Variants in PTPRD observed in about 807,000 individuals in gnomAD.
The protein encoded by PTPRD is receptor-type tyrosine-protein phosphatase delta.
Under a neutral mutation model 214.5 loss-of-function variants are expected in PTPRD, and 34 were observed. The ratio of observed to expected loss-of-function variants is 0.16; its 90% CI spans 0.12 to 0.21. The LOEUF (loss-of-function observed/expected upper bound fraction) is 0.21, where lower values mean the gene tolerates loss of function less well. Ranked by LOEUF, PTPRD falls within the 10% of genes least tolerant of loss-of-function variation. PTPRD has a pLI of 1.00. For missense variants in PTPRD, 2,545 were observed against 2,398.7 expected (o/e 1.06, Z -1.27); for synonymous variants, 1,128 against 845.7 (o/e 1.33, Z -5.79).
At chr9:9,977,148 T>C (rs1335171165) in intron 4 of PTPRD, among the ~76,000 whole-genome samples, 2 of 152,172 alleles carry the variant, frequency 1.3e-5, no homozygotes, top group African/African-American at 2.4e-5. Flanking sequence ...AGCTTGCAGA[T>C]TGCACTTTGG....
intron 14 of PTPRD, among the ~76,000 whole-genome samples, chr9:8,629,081 T>C (rs1410439242): frequency 2.0e-5 from 3 of 151,770 alleles, no homozygotes; most frequent in East Asian, 3.9e-4. Flanking sequence ...CTGTTTGAGA[T>C]AAGAGCAAAA....
intron 12 of PTPRD, among the ~76,000 whole-genome samples, chr9:8,637,144 A>G (rs1270240073): frequency 6.6e-6 from 1 of 152,210 alleles, no homozygotes; most frequent in East Asian, 1.9e-4. Flanking sequence ...TATTACCAGT[A>G]TATAAAAAAA....
intron 12 of PTPRD, among the ~76,000 whole-genome samples, chr9:8,682,317 C>G (rs1191207937): frequency 1.3e-5 from 2 of 152,152 alleles, no homozygotes; most frequent in African/African-American, 4.8e-5. Context: ...GCATGACAAA[C>G]AAAAACTAAC....
At chr9:10,244,364 G>C (rs1000581175) in intron 3 of PTPRD, among the ~76,000 whole-genome samples, 1 of 152,088 alleles carries the variant, frequency 6.6e-6, no homozygotes, top group Non-Finnish European at 1.5e-5. Flanking sequence ...ACAATGCACT[G>C]TACATGGTAG....
intron 2 of PTPRD, among the ~76,000 whole-genome samples, chr9:10,417,555 T>C (rs2098503809): frequency 6.6e-6 from 1 of 151,858 alleles, no homozygotes; most frequent in Non-Finnish European, 1.5e-5. Context: ...CTAAATATTA[T>C]AGTTAATAAG....
intron 39 of PTPRD, among the ~76,000 whole-genome samples, chr9:8,367,557 C>A (rs771891660): frequency 1.3e-5 from 2 of 152,112 alleles, no homozygotes; most frequent in Non-Finnish European, 1.5e-5. Flanking sequence ...TTCTAATAAG[C>A]AAAGCATTTA....
intron 8 of PTPRD, among the ~76,000 whole-genome samples, chr9:9,533,698 C>G (rs924114465): frequency 6.6e-6 from 1 of 151,818 alleles, no homozygotes; most frequent in African/African-American, 2.4e-5. Flanking sequence ...ATAAATCCAC[C>G]TTAATATTAA....
intron 7 of PTPRD, among the ~76,000 whole-genome samples, chr9:9,613,330 C>T (rs904059112): frequency 6.6e-6 from 1 of 151,878 alleles, no homozygotes; most frequent in East Asian, 1.9e-4. Context: ...ATTAAATTAT[C>T]ACATTAGTGT....
At chr9:9,278,390 A>C (rs918952092) in intron 9 of PTPRD, among the ~76,000 whole-genome samples, 1 of 151,390 alleles carries the variant, frequency 6.6e-6, no homozygotes, top group Non-Finnish European at 1.5e-5. Context: ...AGCCTTATAA[A>C]ATTTTAAGAT....
At chr9:8,703,961 T>A (rs1321937074) in intron 12 of PTPRD, among the ~76,000 whole-genome samples, 1 of 152,188 alleles carries the variant, frequency 6.6e-6, no homozygotes, top group African/African-American at 2.4e-5. Flanking sequence ...CAACAGGTGC[T>A]CTTAACACAA....
At position 8,815,306 on chromosome 9, in the gene PTPRD, G is replaced by A. The variant is rs576145198; in HGVS notation, c.-103-81360C>T. Among the ~76,000 whole-genome samples the A allele has an allele frequency of 3.1e-3, 467 of 152,128 alleles. 2 individuals are homozygous for A. Among genetic ancestry groups the A allele is most frequent in the Non-Finnish European group, 5.2e-3 (354 of 68,000 alleles). ...GGCTTACCTTTAATCACAGGGAATG[G>A]TAGGCTACTGAAACATACATTTTCC... On this transcript the variant is annotated intron_variant, in intron 11 of 45. Transcript: ENST00000381196.
chr9:9,428,365 T>C (rs1223674521), intron 8 of PTPRD, among the ~76,000 whole-genome samples: 1 of 152,150 alleles, frequency 6.6e-6, no homozygotes, highest in Non-Finnish European at 1.5e-5. Context: ...GAGCTAACTA[T>C]CCTAAATATA....
chr9:9,919,940 TG>T (rs2082081188), intron 5 of PTPRD, among the ~76,000 whole-genome samples: 1 of 152,156 alleles, frequency 6.6e-6, no homozygotes, highest in Middle Eastern at 3.2e-3. Context: ...CTGTTACATT[TG>T]TAACACCTAT....
intron 12 of PTPRD, among the ~76,000 whole-genome samples, chr9:8,645,469 A>G (rs1042048464): frequency 1.3e-5 from 2 of 152,350 alleles, no homozygotes; most frequent in South Asian, 2.1e-4. Context: ...CTTCAATGAC[A>G]TATTTCTATG....
At chr9:10,506,132 A>C (rs2045883611) in intron 2 of PTPRD, among the ~76,000 whole-genome samples, 1 of 152,192 alleles carries the variant, frequency 6.6e-6, no homozygotes, top group Non-Finnish European at 1.5e-5. Context: ...GAAGAATGTA[A>C]AGATTCTCTA....
chr9:8,596,474 A>G (rs994058894), intron 14 of PTPRD, among the ~76,000 whole-genome samples: 10 of 152,076 alleles, frequency 6.6e-5, no homozygotes, highest in African/African-American at 2.4e-4. Context: ...TGAACTTAGA[A>G]TAAGCATCGT....
At chr9:10,027,989 T>C (rs138332369) in intron 4 of PTPRD, among the ~76,000 whole-genome samples, 97 of 152,292 alleles carry the variant, frequency 6.4e-4, no homozygotes, top group African/African-American at 2.2e-3. Context: ...CACCTGTCCA[T>C]TGATGGGTCA....
intron 9 of PTPRD, among the ~76,000 whole-genome samples, chr9:9,223,621 C>G (rs564728175): frequency 6.6e-6 from 1 of 152,036 alleles, no homozygotes; most frequent in East Asian, 1.9e-4. Flanking sequence ...TATCAAAGAA[C>G]ATCTCTCTAT....
chr9:8,588,655 G>T (rs180686113), intron 14 of PTPRD, among the ~76,000 whole-genome samples: 4 of 152,248 alleles, frequency 2.6e-5, no homozygotes, highest in Admixed American at 2.0e-4. Flanking sequence ...TCACAGGCAT[G>T]TGTACACCTG....
Sources: gnomAD v4.1 joint callset for allele counts (sites outside exome capture counted in the v4.1 genomes callset) on GRCh38, gnomAD v4.1.1 for gene constraint, MANE v1.5 for transcripts, NCBI Gene and HGNC (gene_info 2026-07-23, HGNC 2026-07-21) for gene names.